SIMC1: variants seen among roughly 807,000 people sequenced by gnomAD.
SIMC1 encodes the protein SUMO interacting motifs containing 1, also known as SUMO-interacting motif-containing protein 1.
A neutral mutation model predicts 82.3 loss-of-function variants in SIMC1; 55 were observed. That is an observed-to-expected ratio of 0.67 (90% CI 0.54 to 0.84). The LOEUF (loss-of-function observed/expected upper bound fraction) is 0.84, where lower values mean the gene tolerates loss of function less well. Among genes scored for constraint, SIMC1 ranks in the 40% least tolerant of loss-of-function variants. SIMC1 has a pLI of 0.00. For synonymous variants in SIMC1, 353 were observed against 426.3 expected (o/e 0.83, Z 2.12); for missense variants, 915 against 1,107.2 (o/e 0.83, Z 2.46).
intron 1 of SIMC1, among the ~76,000 whole-genome samples, chr5:176,243,499 A>G (rs1405891260): frequency 6.6e-6 from 1 of 152,038 alleles, no homozygotes; most frequent in Non-Finnish European, 1.5e-5. Flanking sequence ...TTTAAGCAGG[A>G]CAGTGACATG....
intron 4 of SIMC1, among the ~76,000 whole-genome samples, chr5:176,297,498 G>A (rs1374800535): frequency 9.9e-5 from 10 of 100,998 alleles, no homozygotes; most frequent in African/African-American, 2.0e-4. Flanking sequence ...GCGAAACTCT[G>A]TCTCAAAAAA....
At chr5:176,308,918 T>G (rs899368525) in intron 4 of SIMC1, 1 of 1,290,064 alleles carries the variant, frequency 7.8e-7, no homozygotes, top group African/African-American at 1.5e-5. Context: ...TCTTCTACAG[T>G]GGTTGGAGGA....
At chr5:176,262,596 G>A (rs1260803183) in intron 1 of SIMC1, among the ~76,000 whole-genome samples, 1 of 152,242 alleles carries the variant, frequency 6.6e-6, no homozygotes, top group Non-Finnish European at 1.5e-5. Flanking sequence ...CTTGTGGCCA[G>A]GAGTTCGAGA....
At chr5:176,274,224 G>A (rs1165241219) in intron 1 of SIMC1, among the ~76,000 whole-genome samples, 2 of 138,044 alleles carry the variant, frequency 1.4e-5, no homozygotes, top group Non-Finnish European at 3.2e-5. Flanking sequence ...ATATCTCATT[G>A]TGGTTTTGAT....
chr5:176,335,990 G>T (rs947155037), intron 7 of SIMC1, among the ~76,000 whole-genome samples: 1 of 147,374 alleles, frequency 6.8e-6, no homozygotes, highest in Non-Finnish European at 1.5e-5. Flanking sequence ...GCTGCAGTGT[G>T]TGATGATCAC....
Position 176,345,373 on chromosome 5 carries a change from G to A in SIMC1, c.2604G>A (p.Lys868=). The change falls in exon 10 of 10, where the codon AAG becomes AAA. Residue 868 remains lysine (K), a synonymous_variant. Transcript: ENST00000429602. ...TCCAAGACAAAGTGCACTTGTTGAA[G>A]CTCCTGCTCTTCTATGCTGCGGACT... ...PQLQDKVHLL[K]LLLFYAADLN... The A allele has an allele frequency of 1.2e-6, 2 of 1,613,976 alleles. No individual in the cohort carries two copies. Among genetic ancestry groups the A allele is most frequent in the Non-Finnish European group, 1.7e-6 (2 of 1,179,904 alleles).
chr5:176,322,729 G>A (rs1053911040), intron 6 of SIMC1: 1 of 260,528 alleles, frequency 3.8e-6, no homozygotes, highest in Non-Finnish European at 7.4e-6. Flanking sequence ...GACAGTAAAG[G>A]GTTACAGCTC....
chr5:176,278,978 A>G (rs1409675354), intron 1 of SIMC1, among the ~76,000 whole-genome samples: 1 of 152,106 alleles, frequency 6.6e-6, no homozygotes, highest in Non-Finnish European at 1.5e-5. Context: ...ATGAGTTAGG[A>G]AGGATTCTCT....
At chr5:176,285,076 C>T (rs1282763459) in intron 1 of SIMC1, among the ~76,000 whole-genome samples, 4 of 152,222 alleles carry the variant, frequency 2.6e-5, no homozygotes, top group African/African-American at 7.2e-5. Context: ...GAGCTGGTAC[C>T]ATTCCTTCTG....
At chr5:176,345,134 A>ATTCTTTTT in intron 9 of SIMC1, 49 bp from the exon 10 acceptor site, 1 of 1,564,444 alleles carries the variant, frequency 6.4e-7, no homozygotes, top group Non-Finnish European at 8.6e-7. Context: ...TCTTAAAAAG[A>ATTCTTTTT]ATTAAAAAGC....
At chr5:176,246,569 C>T (rs1416888956) in intron 1 of SIMC1, among the ~76,000 whole-genome samples, 1 of 151,440 alleles carries the variant, frequency 6.6e-6, no homozygotes, top group Non-Finnish European at 1.5e-5. Flanking sequence ...TCCCGAGTAG[C>T]TGGGATTACA....
chr5:176,241,182 C>T (rs1283910731), intron 1 of SIMC1, among the ~76,000 whole-genome samples: 1 of 60,648 alleles, frequency 1.6e-5, no homozygotes, highest in Non-Finnish European at 3.4e-5. Context: ...TTTTGTTTTT[C>T]GTTTTTTTAC....
intron 1 of SIMC1, among the ~76,000 whole-genome samples, chr5:176,245,968 T>A (rs1337235364): frequency 6.6e-6 from 1 of 152,026 alleles, no homozygotes; most frequent in Non-Finnish European, 1.5e-5. Flanking sequence ...CATTTGTGCA[T>A]AATAATCCTC....
At chr5:176,274,284 T>C (rs1581238486) in intron 1 of SIMC1, among the ~76,000 whole-genome samples, 1 of 141,602 alleles carries the variant, frequency 7.1e-6, no homozygotes, top group Non-Finnish European at 1.6e-5. Flanking sequence ...CATGTGTTTT[T>C]TGGCTGCATA....
At chr5:176,292,986 A>G (rs941892723) in intron 2 of SIMC1, among the ~76,000 whole-genome samples, 1 of 152,178 alleles carries the variant, frequency 6.6e-6, no homozygotes, top group Non-Finnish European at 1.5e-5. Context: ...GGGTTGAGAG[A>G]ATGGCTCTGA....
intron 4 of SIMC1, among the ~76,000 whole-genome samples, chr5:176,311,126 T>C (rs914272797): frequency 1.3e-5 from 2 of 152,194 alleles, no homozygotes; most frequent in East Asian, 3.8e-4. Flanking sequence ...GTAATGGAAA[T>C]GTTCTAAAAA....
chr5:176,260,006 T>C (rs947539921), intron 1 of SIMC1, among the ~76,000 whole-genome samples: 2 of 148,606 alleles, frequency 1.3e-5, no homozygotes, highest in African/African-American at 4.9e-5. Flanking sequence ...AATTTATATA[T>C]ATTTATATAT....
At chr5:176,289,470 T>C (rs1232472534) in intron 1 of SIMC1, among the ~76,000 whole-genome samples, 184 bp from the exon 2 acceptor site, 1 of 152,098 alleles carries the variant, frequency 6.6e-6, no homozygotes, top group African/African-American at 2.4e-5. Context: ...ATTTGGAGAA[T>C]TTAAGAAGGT....
intron 6 of SIMC1, 95 bp from the exon 7 acceptor site, chr5:176,324,534 A>G: frequency 7.7e-7 from 1 of 1,291,966 alleles, no homozygotes; most frequent in Non-Finnish European, 1.1e-6. Context: ...AGTAGTCTCT[A>G]CTCTCGATGT....
Sources: allele counts gnomAD v4.1 joint callset (sites outside exome capture counted in the v4.1 genomes callset), GRCh38; gene constraint gnomAD v4.1.1; transcripts MANE v1.5; gene names NCBI Gene and HGNC (gene_info 2026-07-23, HGNC 2026-07-21).